The following B3GALT2 variants were observed in gnomAD, a reference collection of about 807,000 sequenced individuals.
B3GALT2 encodes the protein beta-1,3-galactosyltransferase 2.
In B3GALT2, 13 loss-of-function variants were observed where a neutral mutation model predicts 33.5. The observed-to-expected ratio is 0.39, with a 90% confidence interval of 0.25 to 0.62. B3GALT2 has a LOEUF of 0.62. Ranked by LOEUF, B3GALT2 falls within the 20% of genes least tolerant of loss-of-function variation. B3GALT2 has a pLI of 0.53. For missense variants in B3GALT2, 418 were observed against 509.1 expected, an observed-to-expected ratio of 0.82 and a Z score of 1.72; for synonymous variants, 195 against 172.7, an observed-to-expected ratio of 1.13 and a Z score of -1.01.
At chr1:193,185,914 C>G (rs1421377300) in intron 1 of B3GALT2, 105 bp downstream of exon 1, 1 of 152,126 alleles carries the variant, frequency 6.6e-6, no homozygotes, top group Non-Finnish European at 1.5e-5. Context: ...TTCATAGTTT[C>G]AAGGGCAGTG....
chr1:193,186,261 G>A lies in B3GALT2; in HGVS notation c.-363C>T, dbSNP rs1558303450. On this transcript the variant is annotated 5_prime_UTR_variant, in exon 1 of 2. The change creates a new upstream start codon in the 5' untranslated region. Transcript: ENST00000367434. ...CCCTTTCTTTCATTTTCTCTCTTTC[G>A]TTAAACAAAAGAGCTGTAGTTGCCC... 1 of 151,918 alleles carries A rather than the reference G, an allele frequency of 6.6e-6. No homozygotes were observed. The highest frequency in any genetic ancestry group is 1.5e-5 in the Non-Finnish European group (1 of 67,956). 9.4% of individuals were successfully genotyped at this position (151,918 alleles called of 1,614,324 possible).
rs1359414807 is a variant in B3GALT2, at chr1:193,186,007, A to T, written c.-121+12T>A. 1.3e-5 allele frequency: 2 copies of T among 152,302 alleles called. No homozygotes were observed. The highest frequency in any genetic ancestry group is 2.4e-5 in the African/African-American group (1 of 41,450). 9.4% of individuals were successfully genotyped at this position (152,302 alleles called of 1,614,324 possible). Reference sequence around the variant, plus strand: ...CATTTAAATGACTATCATACACAAGATATTGACATACCTTCCTTGGTCAGG... The same window carrying T: ...CATTTAAATGACTATCATACACAAGTTATTGACATACCTTCCTTGGTCAGG... On this transcript the variant is annotated intron_variant, in intron 1 of 1. Coordinates refer to ENST00000367434, the MANE Select transcript of B3GALT2 (RefSeq NM_003783.3).
chr1:193,183,342 C>A (rs966825176), intron 1 of B3GALT2, among the ~76,000 whole-genome samples: 2 of 88,102 alleles, frequency 2.3e-5, no homozygotes, highest in African/African-American at 7.1e-5. Context: ...TATAATATTT[C>A]TAAAATGTAA....
rs1463512450 is a variant in B3GALT2 at position 193,181,538 on chromosome 1, A to C, written c.25T>G (p.Cys9Gly). 1 of 1,602,212 alleles carries C rather than the reference A, an allele frequency of 6.2e-7. No individual in the cohort carries two copies. The highest frequency in any genetic ancestry group is 1.3e-5 in the African/African-American group (1 of 74,382). The change falls in exon 2 of 2, where the codon TGC becomes GGC. Residue 9 changes from cysteine to glycine, a missense_variant. This residue lies in a region of B3GALT2 where 188 missense variants were observed against 197.5 expected (regional missense o/e 0.95). Transcript: ENST00000367434. MLQWRRRH[C>G]CFAKMTWNAK... is the part of the protein sequence containing the mutation. The stretch of plus-strand genomic sequence containing the variant: ...TTCCAGGTCATCTTTGCAAAGCAGC[A>C]GTGTCTTCTCCTCCACTGAAGCATG...
rs371231651 is a variant in B3GALT2 at position 193,180,712 on chromosome 1, C to T, written c.851G>A (p.Arg284Gln). 53 of 1,614,040 alleles carry T rather than the reference C, an allele frequency of 3.3e-5. No homozygotes were observed. Among genetic ancestry groups the T allele is most frequent in the Admixed American group, 6.7e-5 (4 of 60,018 alleles). ...RHNYFTGYLM[R>Q]GYAPNRNKDS... is the part of the protein sequence containing the mutation. ...TTTGTTTCGATTGGGTGCATATCCT[C>T]GCATTAGGTAACCAGTGAAATAGTT... The change falls in exon 2 of 2, where the codon CGA becomes CAA. Residue 284 changes from arginine to glutamine, a missense_variant. By Grantham distance (43) the Arg-to-Gln change is conservative. Around this residue, in one of 3 missense-constraint regions of B3GALT2, gnomAD observed 226 missense variants for 293.9 expected, o/e 0.77. Coordinates refer to ENST00000367434, the MANE Select transcript of B3GALT2 (RefSeq NM_003783.3).
rs1179161122 is a variant in B3GALT2, at chr1:193,181,329, G to A, written c.234C>T (p.Ser78=). ...RSTKSETNHS[S]LRNIWKETVP... ...CTGTTTCTTTCCAAATGTTCCGAAG[G>A]GAGCTGTGGTTTGTCTCACTTTTTG... Residue 78 remains serine, a synonymous_variant, in exon 2 of 2, where the codon TCC becomes TCT. Transcript: ENST00000367434. 7 of 1,613,930 alleles carry A rather than the reference G, an allele frequency of 4.3e-6. No individual in the cohort carries two copies. The African/African-American group carries it at 6.7e-5, about 15-fold the overall frequency.
chr1:193,180,148 C>G lies in B3GALT2; in HGVS notation c.*146G>C. ...ATAATGTTATAGTTTTAAGAATTAA[C>G]TTCTTCAGAAATTAAAAAAATACTT... On this transcript the variant is annotated 3_prime_UTR_variant, in exon 2 of 2. Coordinates refer to ENST00000367434, the MANE Select transcript of B3GALT2 (RefSeq NM_003783.3). 1 of 699,076 alleles carries G rather than the reference C, an allele frequency of 1.4e-6. No homozygotes were observed. The allele number at this position is 699,076 out of a possible 1,614,324, so 43.3% of individuals were successfully genotyped here.
At chr1:193,185,860 T>C (rs1676797451) in intron 1 of B3GALT2, among the ~76,000 whole-genome samples, 159 bp downstream of exon 1, 1 of 152,190 alleles carries the variant, frequency 6.6e-6, no homozygotes, top group African/African-American at 2.4e-5. Context: ...ACAGCTTGTC[T>C]TCTAAACAAT....
At position 193,178,936 on chromosome 1, in the gene B3GALT2, A is replaced by C. The variant is rs376457037; in HGVS notation, c.*1358T>G. The C allele has an allele frequency of 2.0e-5, 3 of 152,212 alleles. No homozygotes were observed. The highest frequency in any genetic ancestry group is 4.4e-5 in the Non-Finnish European group (3 of 68,020). The allele number at this position is 152,212 out of a possible 1,614,324, so 9.4% of individuals were successfully genotyped here. A position where few individuals can be genotyped will look rare whatever the true frequency, so the allele number is the denominator to read the frequency against. Reference sequence around the variant, plus strand: ...TAAATTAAGATTGACAGATTTACATACTTGTATGGAATAAAAACACTATTT... The same window carrying C: ...TAAATTAAGATTGACAGATTTACATCCTTGTATGGAATAAAAACACTATTT... On this transcript the variant is annotated 3_prime_UTR_variant, in exon 2 of 2. Transcript: ENST00000367434.
intron 1 of B3GALT2, among the ~76,000 whole-genome samples, chr1:193,183,866 G>A (rs1157138791): frequency 6.6e-6 from 1 of 151,750 alleles, no homozygotes; most frequent in Non-Finnish European, 1.5e-5. Flanking sequence ...TTTTTTTAAA[G>A]TGTAAATTTG....
Position 193,185,901 on chromosome 1 carries a change from CTT to C in B3GALT2, c.-121+116_-121+117del, listed in dbSNP as rs1676798503. The C allele has an allele frequency of 2.0e-5, 3 of 152,190 alleles. No individual in the cohort carries two copies. In the South Asian group the frequency reaches 6.2e-4, roughly 32 times the overall value. 9.4% of individuals were successfully genotyped at this position (152,190 alleles called of 1,614,324 possible). ...ATTTTAAAATCAGATATTAAGAAACCTTTTCATAGTTTCAAGGGCAGTGAGCT... is the reference window on the plus strand; with the variant it reads ...ATTTTAAAATCAGATATTAAGAAACCTTCATAGTTTCAAGGGCAGTGAGCT... On this transcript the variant is annotated intron_variant, in intron 1 of 1. Coordinates refer to ENST00000367434, the MANE Select transcript of B3GALT2 (RefSeq NM_003783.3).
In B3GALT2 at chr1:193,181,324, C is replaced by G. The variant is rs576603378; in HGVS notation, c.239G>C (p.Arg80Pro). 1.2e-6 allele frequency: 2 copies of G among 1,613,860 alleles called. No individual in the cohort carries two copies. The highest frequency in any genetic ancestry group is 1.7e-6 in the Non-Finnish European group (2 of 1,179,932). ...AGGGACTGTTTCTTTCCAAATGTTC[C>G]GAAGGGAGCTGTGGTTTGTCTCACT... ...TKSETNHSSL[R>P]NIWKETVPQT... Residue 80 changes from arginine (R) to proline (P), a missense_variant, in exon 2 of 2, where the codon CGG becomes CCG. Physicochemically the swap from Arg to Pro is moderately radical, Grantham distance 103. Coordinates refer to ENST00000367434, the MANE Select transcript of B3GALT2 (RefSeq NM_003783.3).
rs760618130 is a variant in B3GALT2 at position 193,180,307 on chromosome 1, C to T, written c.1256G>A (p.Arg419His). The T allele has an allele frequency of 4.1e-5, 64 of 1,572,810 alleles. No individual in the cohort carries two copies. The Middle Eastern group carries it at 6.8e-4, about 17-fold the overall frequency. Reference sequence around the variant, plus strand: ...AAATTGTCTTTTCTAATGTAGTTTACGGTGGCGATACCTGCCTGCCTTTTC... The same window carrying T: ...AAATTGTCTTTTCTAATGTAGTTTATGGTGGCGATACCTGCCTGCCTTTTC... The part of the protein sequence containing the change: ...AKEKAGRYRH[R>H]KLH The change falls in exon 2 of 2, where the codon CGT becomes CAT. Residue 419 changes from arginine (R) to histidine (H), a missense_variant. This residue lies in a region of B3GALT2 where 226 missense variants were observed against 293.9 expected (regional missense o/e 0.77). Coordinates refer to ENST00000367434, the MANE Select transcript of B3GALT2 (RefSeq NM_003783.3).
At chr1:193,182,730 G>A (rs1361805583) in intron 1 of B3GALT2, among the ~76,000 whole-genome samples, 1 of 152,090 alleles carries the variant, frequency 6.6e-6, no homozygotes, top group African/African-American at 2.4e-5. Flanking sequence ...TCAGTGCATA[G>A]CACAGATTTG....
At position 193,179,529 on chromosome 1, in the gene B3GALT2, A is replaced by G. The variant is rs1676674081; in HGVS notation, c.*765T>C. On this transcript the variant is annotated 3_prime_UTR_variant, in exon 2 of 2. Transcript: ENST00000367434. ...GTCTAATCCAATAACTCATTGAAAT[A>G]GGAGTTTGGTTCTTAACATCAATGA... The G allele has an allele frequency of 6.6e-6, 1 of 152,630 alleles. No individual in the cohort carries two copies. The highest frequency in any genetic ancestry group is 1.5e-5 in the Non-Finnish European group (1 of 68,030). The allele number at this position is 152,630 out of a possible 1,614,324, so 9.5% of individuals were successfully genotyped here. A position where few individuals can be genotyped will look rare whatever the true frequency, so the allele number is the denominator to read the frequency against.
At position 193,180,333 on chromosome 1, in the gene B3GALT2, T is replaced by G. The variant is rs778047557; in HGVS notation, c.1230A>C (p.Lys410Asn). Residue 410 changes from lysine to asparagine, a missense_variant, in exon 2 of 2, where the codon AAA becomes AAC. Coordinates refer to ENST00000367434, the MANE Select transcript of B3GALT2 (RefSeq NM_003783.3). ...GGTGGCGATACCTGCCTGCCTTTTC[T>G]TTTGCTGCGTTGGCACAGGCATTGT... The part of the protein sequence containing the change: ...NKHNACANAA[K>N]EKAGRYRHRK... The G allele has an allele frequency of 1.3e-6, 2 of 1,592,438 alleles. No homozygotes were observed. Among genetic ancestry groups the G allele is most frequent in the African/African-American group, 1.4e-5 (1 of 73,876 alleles).
At chr1:193,183,500 C>A (rs1676754272) in intron 1 of B3GALT2, among the ~76,000 whole-genome samples, 1 of 149,994 alleles carries the variant, frequency 6.7e-6, no homozygotes, top group South Asian at 2.1e-4. Flanking sequence ...TTCACTGTAC[C>A]AACAAAACAT....
Position 193,181,065 on chromosome 1 carries a change from A to G in B3GALT2, c.498T>C (p.Ala166=), listed in dbSNP as rs368549068. The change falls in exon 2 of 2, where the codon GCT becomes GCC. Residue 166 remains alanine (A), a synonymous_variant. Transcript: ENST00000367434. ...LIAAEPGQIE[A]RRAIRQTWGN... The stretch of plus-strand genomic sequence containing the variant: ...CCCAAGTTTGCCGAATAGCTCTTCT[A>G]GCTTCTATTTGTCCAGGCTCTGCAG... 66 of 1,613,904 alleles carry G rather than the reference A, an allele frequency of 4.1e-5. No individual in the cohort carries two copies. Among genetic ancestry groups the G allele is most frequent in the Non-Finnish European group, 5.5e-5 (65 of 1,179,974 alleles).
Position 193,186,589 on chromosome 1 carries a change from C to T in B3GALT2, c.-691G>A, listed in dbSNP as rs947383193. On this transcript the variant is annotated 5_prime_UTR_variant, in exon 1 of 2. Coordinates refer to ENST00000367434, the MANE Select transcript of B3GALT2 (RefSeq NM_003783.3). ...GAAATCCACGGTTCCTCAGCTGCTG[C>T]ACAGGCAGGCAGCAGTTTAAATGTG... 6.6e-6 allele frequency: 1 copy of T among 152,354 alleles called. No homozygotes were observed. The allele number at this position is 152,354 out of a possible 1,614,324, so 9.4% of individuals were successfully genotyped here.
Sources: allele counts gnomAD v4.1 joint callset (sites outside exome capture counted in the v4.1 genomes callset), GRCh38; gene constraint gnomAD v4.1.1; regional missense constraint gnomAD v4.1.1; transcripts MANE v1.5; gene names NCBI Gene and HGNC (gene_info 2026-07-23, HGNC 2026-07-21).